Variants in DDX56 observed in about 807,000 individuals in gnomAD.
DDX56 encodes probable ATP-dependent RNA helicase DDX56.
A neutral mutation model predicts 61.5 loss-of-function variants in DDX56; 45 were observed. The ratio of observed to expected loss-of-function variants is 0.73; its 90% CI spans 0.58 to 0.94. The LOEUF is 0.94. DDX56 is among the 40% of genes least tolerant of loss of function. The pLI, the probability that DDX56 is intolerant of heterozygous loss-of-function variation, is 0.00. For synonymous variants in DDX56, 273 were observed against 268.3 expected, an observed-to-expected ratio of 1.02 and a Z score of -0.17; for missense variants, 708 against 690.7, an observed-to-expected ratio of 1.02 and a Z score of -0.28.
Position 44,573,022 on chromosome 7 carries a change from C to T in DDX56, c.251G>A (p.Arg84Lys), listed in dbSNP as rs138025983. The T allele has an allele frequency of 6.0e-5, 96 of 1,601,050 alleles. No homozygotes were observed. In the Middle Eastern group the frequency reaches 1.3e-3, roughly 22 times the overall value. Residue 84 changes from arginine to lysine, a missense_variant, in exon 3 of 14, where the codon AGA becomes AAA. Arg to Lys is a conservative substitution (Grantham distance 26). Coordinates refer to ENST00000258772, the MANE Select transcript of DDX56 (RefSeq NM_019082.4). ...ATGPVVEQAV[R>K]GLVLVPTKEL... ...CTTGGTAGGAACAAGAACAAGGCCT[C>T]TCACTGCCTGTTCTACCACCGGACC...
intron 2 of DDX56, 126 bp downstream of exon 2, chr7:44,573,457 G>C (rs1444670078): frequency 7.9e-7 from 1 of 1,272,590 alleles, no homozygotes; most frequent in African/African-American, 1.5e-5. Flanking sequence ...TGCCACAACA[G>C]CACCAGGTTC....
intron 13 of DDX56, 129 bp downstream of exon 13, chr7:44,566,319 C>T (rs1199369088): frequency 1.4e-5 from 13 of 918,964 alleles, no homozygotes; most frequent in Non-Finnish European, 2.1e-5. Flanking sequence ...TTCTAGGGTG[C>T]CCCCTCTTCC....
In DDX56 at chr7:44,571,554, C is replaced by G; in HGVS notation, c.828G>C (p.Leu276=). The change falls in exon 6 of 14, where the codon CTG becomes CTC. Residue 276 remains leucine (L), a synonymous_variant. Coordinates refer to ENST00000258772, the MANE Select transcript of DDX56 (RefSeq NM_019082.4). The stretch of plus-strand genomic sequence containing the variant: ...TGGGGATGCTGAACTGTTCCAAGAA[C>G]AGGCGTAGCCGGTAACTCCGTTCTA... The part of the protein sequence containing the change: ...NTLERSYRLR[L]FLEQFSIPTC... 6.2e-7 allele frequency: 1 copy of G among 1,614,126 alleles called. No individual in the cohort carries two copies. The highest frequency in any genetic ancestry group is 8.5e-7 in the Non-Finnish European group (1 of 1,180,036).
chr7:44,566,338 G>C, intron 13 of DDX56, 110 bp downstream of exon 13: 1 of 1,087,414 alleles, frequency 9.2e-7, no homozygotes, highest in Non-Finnish European at 1.4e-6. Flanking sequence ...CCCCTCCCTA[G>C]GGCACCCTCT....
At position 44,570,001 on chromosome 7, in the gene DDX56, C is replaced by T. The variant is rs373382943; in HGVS notation, c.1124+14G>A. 3.1e-4 allele frequency: 495 copies of T among 1,613,974 alleles called. 2 individuals carry two copies. Among genetic ancestry groups the T allele is most frequent in the Admixed American group, 8.0e-4 (48 of 59,986 alleles). On this transcript the variant is annotated intron_variant, in intron 8 of 13. Transcript: ENST00000258772. The stretch of plus-strand genomic sequence containing the variant: ...GTGCCTACCATGCAGATGCCTGGGC[C>T]GTCACACTACTACCTGCCAGCTCGA...
Position 44,570,125 on chromosome 7 carries a change from G to A in DDX56, c.1014C>T (p.Ala338=), listed in dbSNP as rs781114014. The stretch of plus-strand genomic sequence containing the variant: ...GGGCCACACCTGCTTCCGGATCAGA[G>A]GCCCTGCAGAGATAACTCAATGTCA... The part of the protein sequence containing the change: ...RRGRGPKGDK[A]SDPEAGVARG... Residue 338 remains alanine, a synonymous_variant, in exon 8 of 14, where the codon GCC becomes GCT. Coordinates refer to ENST00000258772, the MANE Select transcript of DDX56 (RefSeq NM_019082.4). 6 of 1,613,918 alleles carry A rather than the reference G, an allele frequency of 3.7e-6. No individual in the cohort carries two copies. The South Asian group carries it at 4.4e-5, about 12-fold the overall frequency.
intron 7 of DDX56, among the ~76,000 whole-genome samples, chr7:44,570,463 T>C (rs1279654315): frequency 6.6e-6 from 1 of 152,188 alleles, no homozygotes; most frequent in Non-Finnish European, 1.5e-5. Context: ...AGAAATATGC[T>C]CCCTGCAAGT....
intron 12 of DDX56, 109 bp downstream of exon 12, chr7:44,568,009 T>C (rs1802584094): frequency 5.8e-6 from 5 of 861,472 alleles, no homozygotes; most frequent in Non-Finnish European, 9.6e-6. Context: ...CTCCAGGTTC[T>C]ATTCTGCCTG....
chr7:44,573,831 T>A lies in DDX56; in HGVS notation c.60+5A>T. The stretch of plus-strand genomic sequence containing the variant: ...GTAAGCCGGCTCCCCAGCCCTCGCG[T>A]GTACCTGAAGGAGCCGGGGATCGAG... On this transcript the variant is annotated splice_donor_5th_base_variant and intron_variant, in intron 1 of 13. Transcript: ENST00000258772. 1 of 1,613,362 alleles carries A rather than the reference T, an allele frequency of 6.2e-7. No homozygotes were observed. The highest frequency in any genetic ancestry group is 8.5e-7 in the Non-Finnish European group (1 of 1,180,006).
In DDX56 at chr7:44,568,197, G is replaced by T. The variant is rs562228674; in HGVS notation, c.1410C>A (p.Asp470Glu). Reference protein sequence around the residue: ...LKTYFEDNPRDLQLLRHDLPL... With the variant: ...LKTYFEDNPRELQLLRHDLPL... The stretch of plus-strand genomic sequence containing the variant: ...GTAGGTCATGCCGCAGCAGCTGGAG[G>T]TCCCTAGGGTTGTCTTCAAAGTATG... Residue 470 changes from aspartate (D) to glutamate (E), a missense_variant, in exon 12 of 14, where the codon GAC (aspartate) becomes GAA (glutamate). Asp to Glu is a conservative substitution (Grantham distance 45, BLOSUM62 2). Transcript: ENST00000258772. The T allele has an allele frequency of 6.2e-7, 1 of 1,612,682 alleles. No homozygotes were observed. Among genetic ancestry groups the T allele is most frequent in the African/African-American group, 1.3e-5 (1 of 75,038 alleles).
At chr7:44,567,527 A>T in intron 12 of DDX56, among the ~76,000 whole-genome samples, 1 of 152,214 alleles carries the variant, frequency 6.6e-6, no homozygotes, top group East Asian at 1.9e-4. Flanking sequence ...GCCCAGTATT[A>T]ATGGCCACAT....
intron 11 of DDX56, among the ~76,000 whole-genome samples, 174 bp downstream of exon 11, chr7:44,568,729 C>T (rs1802599992): frequency 6.6e-6 from 1 of 151,846 alleles, no homozygotes; most frequent in Admixed American, 6.6e-5. Flanking sequence ...GCCAATTTAC[C>T]ACCAAGCAGA....
rs199514187 is a variant in DDX56 at position 44,566,490 on chromosome 7, G to A, written c.1524C>T (p.His508=). 2.6e-6 allele frequency: 4 copies of A among 1,568,408 alleles called. No homozygotes were observed. Among genetic ancestry groups the A allele is most frequent in the South Asian group, 1.2e-5 (1 of 85,274 alleles). ...PPALRGLVRP[H]KKRKKLSSSC... is the part of the protein sequence containing the mutation. The stretch of plus-strand genomic sequence containing the variant: ...AGGAAGACAGCTTCTTCCGCTTCTT[G>A]TGAGGGCGCACCAGGCCACGGAGAG... The change falls in exon 13 of 14, where the codon CAC becomes CAT. Residue 508 remains histidine (H), a synonymous_variant. Transcript: ENST00000258772.
chr7:44,567,375 G>A (rs960865843), intron 12 of DDX56, among the ~76,000 whole-genome samples: 1 of 152,158 alleles, frequency 6.6e-6, no homozygotes, highest in Non-Finnish European at 1.5e-5. Flanking sequence ...TCCTGCACTT[G>A]CTGCCCACAG....
At position 44,573,823 on chromosome 7, in the gene DDX56, C is replaced by T. The variant is rs900223354; in HGVS notation, c.60+13G>A. ...CAGAGCCCGTAAGCCGGCTCCCCAG[C>T]CCTCGCGTGTACCTGAAGGAGCCGG... On this transcript the variant is annotated intron_variant, in intron 1 of 13. Coordinates refer to ENST00000258772, the MANE Select transcript of DDX56 (RefSeq NM_019082.4). The T allele has an allele frequency of 4.3e-6, 7 of 1,613,362 alleles. No individual in the cohort carries two copies. Among genetic ancestry groups the T allele is most frequent in the East Asian group, 4.5e-5 (2 of 44,876 alleles).
chr7:44,566,653 C>T (rs575450549), intron 12 of DDX56, 129 bp from the exon 13 acceptor site: 9 of 643,230 alleles, frequency 1.4e-5, no homozygotes, highest in South Asian at 4.0e-5. Context: ...CTATTCACTA[C>T]CACATCTGCA....
intron 3 of DDX56, 30 bp downstream of exon 3, chr7:44,572,860 T>C (rs777744804): frequency 1.3e-6 from 2 of 1,585,138 alleles, no homozygotes; most frequent in African/African-American, 2.7e-5. Flanking sequence ...TGTAGCTTCA[T>C]TCAGGTACAG....
At position 44,565,896 on chromosome 7, in the gene DDX56, G is replaced by T. The variant is rs571446774; in HGVS notation, c.*106C>A. 3.3e-6 allele frequency: 3 copies of T among 898,638 alleles called. No individual in the cohort carries two copies. The highest frequency in any genetic ancestry group is 2.0e-5 in the Admixed American group (1 of 49,964). 55.7% of individuals were successfully genotyped at this position (898,638 alleles called of 1,614,324 possible). On this transcript the variant is annotated 3_prime_UTR_variant, in exon 14 of 14. Coordinates refer to ENST00000258772, the MANE Select transcript of DDX56 (RefSeq NM_019082.4). Reference sequence around the variant, plus strand: ...AAAGGGCCCAGCACTGCCGGCCCCAGAACTGTCTGTTCAGGCTGTGCAGTA... The same window carrying T: ...AAAGGGCCCAGCACTGCCGGCCCCATAACTGTCTGTTCAGGCTGTGCAGTA...
rs144474044 is a variant in DDX56 at position 44,569,840 on chromosome 7, G to A, written c.1188C>T (p.His396=). Residue 396 remains histidine (H), a synonymous_variant, in exon 9 of 14, where the codon CAC becomes CAT. Coordinates refer to ENST00000258772, the MANE Select transcript of DDX56 (RefSeq NM_019082.4). The part of the protein sequence containing the change: ...LTFVLPTEQF[H]LGKIEELLSG... ...TGAGAAGCTCCTCAATCTTGCCTAA[G>A]TGGAACTGCTCCGTGGGAAGCACAA... 3 of 1,610,168 alleles carry A rather than the reference G, an allele frequency of 1.9e-6. No individual in the cohort carries two copies. Among genetic ancestry groups the A allele is most frequent in the African/African-American group, 2.7e-5 (2 of 74,888 alleles).
Sources: allele counts gnomAD v4.1 joint callset (sites outside exome capture counted in the v4.1 genomes callset), GRCh38; gene constraint gnomAD v4.1.1; transcripts MANE v1.5; gene names NCBI Gene and HGNC (gene_info 2026-07-23, HGNC 2026-07-21).